The following CNNM2 variants were observed in gnomAD, a reference collection of about 807,000 sequenced individuals.
The protein encoded by CNNM2 is metal transporter CNNM2.
Under a neutral mutation model 66.9 loss-of-function variants are expected in CNNM2, and 12 were observed. That is an observed-to-expected ratio of 0.18 (90% CI 0.11 to 0.29). The LOEUF is 0.29. Ranked by LOEUF, CNNM2 falls within the 10% of genes least tolerant of loss-of-function variation. The pLI, the probability that CNNM2 is intolerant of heterozygous loss-of-function variation, is 1.00. For missense variants in CNNM2, 705 were observed against 1,167.7 expected (o/e 0.60, Z 5.77); for synonymous variants, 557 against 501.8 (o/e 1.11, Z -1.47).
At chr10:103,034,967 C>T (rs1378124073) in intron 1 of CNNM2, among the ~76,000 whole-genome samples, 1 of 63,608 alleles carries the variant, frequency 1.6e-5, no homozygotes, top group African/African-American at 5.5e-5. Flanking sequence ...AGCGAGACTC[C>T]GTCTCAAAAA....
Position 102,918,885 on chromosome 10 carries a change from G to A in CNNM2, c.405G>A (p.Leu135=), listed in dbSNP as rs1464539179. The A allele has an allele frequency of 1.2e-6, 2 of 1,608,852 alleles. No individual in the cohort carries two copies. The highest frequency in any genetic ancestry group is 1.7e-5 in the Admixed American group (1 of 59,786). ...GCCACAGCCCGGGGGAGCGCGGGCT[G>A]GGGGGCCCCGCGCCGCCAGAGCCGG... ...RRRHSPGERG[L]GGPAPPEPDS... is the part of the protein sequence containing the mutation. The change falls in exon 1 of 8, where the codon CTG becomes CTA. Residue 135 remains leucine (L), a synonymous_variant. Transcript: ENST00000369878. This position sits in a 1 kb window ranked among gnomAD's most constrained non-coding sequence, Gnocchi z 4.1.
At chr10:103,019,035 A>G (rs1306784727) in intron 1 of CNNM2, among the ~76,000 whole-genome samples, 6 of 151,278 alleles carry the variant, frequency 4.0e-5, no homozygotes, top group Non-Finnish European at 8.9e-5. Flanking sequence ...TGGGAGGCTG[A>G]GGCAGGCAGA....
At chr10:102,986,601 T>C (rs915729664) in intron 1 of CNNM2, among the ~76,000 whole-genome samples, 3 of 148,528 alleles carry the variant, frequency 2.0e-5, no homozygotes, top group Admixed American at 6.8e-5. Context: ...GCTAACACGA[T>C]GAAACCATGT....
chr10:103,032,309 G>A (rs1316986936), intron 1 of CNNM2, among the ~76,000 whole-genome samples: 2 of 151,936 alleles, frequency 1.3e-5, no homozygotes, highest in Non-Finnish European at 2.9e-5. Context: ...AAAACAGCTG[G>A]GCGTGATGGT....
rs577732248 is a variant in CNNM2 at position 103,061,150 on chromosome 10, T to G, written c.2073+4186T>G. On this transcript the variant is annotated intron_variant, in intron 4 of 7. Transcript: ENST00000369878. ...GGTGGCTTGCACCTGTCCAGCACTT[T>G]GGGAGGCTGAGGCAGGCGGATCACT... Among the ~76,000 whole-genome samples, 270 of 152,284 alleles carry G rather than the reference T, an allele frequency of 1.8e-3. 1 individual carries two copies. The highest frequency in any genetic ancestry group is 6.3e-3 in the African/African-American group (263 of 41,572).
chr10:103,076,850 C>G, intron 7 of CNNM2, 121 bp from the exon 8 acceptor site: 1 of 873,662 alleles, frequency 1.1e-6, no homozygotes, highest in Non-Finnish European at 1.8e-6. Flanking sequence ...TCACTGCGCT[C>G]AAGTGTGATT....
rs185784040 is a variant in CNNM2, at chr10:102,972,769, G to C, written c.1621+52668G>C. ...AGTGTGAAGGGGGTGGTGCTGCTTG[G>C]TTCCTTTTACTTAACATTCATTGAG... On this transcript the variant is annotated intron_variant, in intron 1 of 7. Coordinates refer to ENST00000369878, the MANE Select transcript of CNNM2 (RefSeq NM_017649.5). 5.9e-5 allele frequency among the ~76,000 whole-genome samples: 9 copies of C among 152,274 alleles called. No individual in the cohort carries two copies. In the East Asian group the frequency reaches 1.5e-3, roughly 26 times the overall value.
chr10:102,961,841 A>C (rs1302202097), intron 1 of CNNM2, among the ~76,000 whole-genome samples: 2 of 152,106 alleles, frequency 1.3e-5, no homozygotes, highest in South Asian at 2.1e-4. Flanking sequence ...CAGGAGGATC[A>C]CATGAGCCCA....
At chr10:102,943,238 A>G (rs980760723) in intron 1 of CNNM2, among the ~76,000 whole-genome samples, 2 of 152,008 alleles carry the variant, frequency 1.3e-5, no homozygotes, top group East Asian at 3.9e-4. Flanking sequence ...AAAACAAACA[A>G]AAACCAAAAA....
At chr10:103,001,285 C>G (rs2064117632) in intron 1 of CNNM2, among the ~76,000 whole-genome samples, 1 of 152,032 alleles carries the variant, frequency 6.6e-6, no homozygotes, top group Non-Finnish European at 1.5e-5. Context: ...TGAATGTACT[C>G]AGTGCCACTG....
chr10:102,992,906 A>C (rs1430769618), intron 1 of CNNM2, among the ~76,000 whole-genome samples: 1 of 152,148 alleles, frequency 6.6e-6, no homozygotes, highest in Non-Finnish European at 1.5e-5. Context: ...GTGATCTAGG[A>C]GGGATTTTTG....
At chr10:102,945,211 A>G (rs1315746228) in intron 1 of CNNM2, among the ~76,000 whole-genome samples, 2 of 152,054 alleles carry the variant, frequency 1.3e-5, no homozygotes, top group African/African-American at 4.8e-5. Flanking sequence ...CAAGCATCGA[A>G]ATAGGCGTTT....
intron 1 of CNNM2, among the ~76,000 whole-genome samples, chr10:102,962,301 CTGCACATA>C (rs1564822350): frequency 1.3e-5 from 2 of 152,092 alleles, no homozygotes; most frequent in Non-Finnish European, 1.5e-5. Context: ...CCTGCACATC[CTGCACATA>C]TATCCTGGAA....
intron 7 of CNNM2, 37 bp from the exon 8 acceptor site, chr10:103,076,934 A>T (rs1423962195): frequency 6.3e-7 from 1 of 1,578,370 alleles, no homozygotes; most frequent in East Asian, 2.2e-5. Flanking sequence ...AATAAGCATT[A>T]TCTTGGTTTG....
intron 1 of CNNM2, among the ~76,000 whole-genome samples, chr10:102,942,527 G>A (rs919837483): frequency 7.9e-5 from 12 of 152,288 alleles, no homozygotes; most frequent in African/African-American, 2.4e-4. Context: ...ATTATGTTCC[G>A]TTGTGTATAT....
At chr10:103,066,805 C>A (rs373478459) in intron 4 of CNNM2, among the ~76,000 whole-genome samples, 2 of 152,332 alleles carry the variant, frequency 1.3e-5, no homozygotes, top group East Asian at 1.9e-4. Flanking sequence ...GCATGGTCAG[C>A]CCGTGGGGGA....
At position 102,953,405 on chromosome 10, in the gene CNNM2, C is replaced by T. The variant is rs11191475; in HGVS notation, c.1621+33304C>T. On this transcript the variant is annotated intron_variant, in intron 1 of 7. Transcript: ENST00000369878. Reference sequence around the variant, plus strand: ...CTGAGTAGCTGGGATTACAGGTGCCCGCCACTACACCTGGCTAATTTTTTT... The same window carrying T: ...CTGAGTAGCTGGGATTACAGGTGCCTGCCACTACACCTGGCTAATTTTTTT... Among the ~76,000 whole-genome samples, 13,857 of 151,704 alleles carry T rather than the reference C, an allele frequency of 0.091. 852 individuals carry two copies. The highest frequency in any genetic ancestry group is 0.28 in the East Asian group (1,433 of 5,142).
chr10:102,956,090 A>G (rs1847023406), intron 1 of CNNM2, among the ~76,000 whole-genome samples: 1 of 152,138 alleles, frequency 6.6e-6, no homozygotes, highest in African/African-American at 2.4e-5. Flanking sequence ...GATCGAGACC[A>G]TCCTGGCTAA....
At chr10:102,957,477 G>T (rs1847088534) in intron 1 of CNNM2, among the ~76,000 whole-genome samples, 1 of 152,140 alleles carries the variant, frequency 6.6e-6, no homozygotes, top group Non-Finnish European at 1.5e-5. Flanking sequence ...TGAGTGCTAG[G>T]ATAAGTGATT....
Sources: allele counts gnomAD v4.1 joint callset (sites outside exome capture counted in the v4.1 genomes callset), GRCh38; gene constraint gnomAD v4.1.1; non-coding constraint Gnocchi (gnomAD v3.1); transcripts MANE v1.5; gene names NCBI Gene and HGNC (gene_info 2026-07-23, HGNC 2026-07-21).